MARCHF1: variants seen among roughly 807,000 people sequenced by gnomAD.
MARCHF1 encodes membrane associated ring-CH-type finger 1.
MARCHF1 carries 40 observed loss-of-function variants against 54.2 expected under a neutral mutation model. The observed-to-expected ratio is 0.74, with a 90% CI of 0.57 to 0.96. The LOEUF (loss-of-function observed/expected upper bound fraction) is 0.96, where lower values mean the gene tolerates loss of function less well. Among genes scored for constraint, MARCHF1 ranks in the 40% least tolerant of loss-of-function variants. The pLI is 0.00. For missense variants in MARCHF1, 586 were observed against 656.5 expected, an observed-to-expected ratio of 0.89 and a Z score of 1.17; for synonymous variants, 236 against 236.3, an observed-to-expected ratio of 1.00 and a Z score of 0.01.
chr4:164,076,854 T>C (rs771611254), intron 2 of MARCHF1, among the ~76,000 whole-genome samples: 11 of 152,112 alleles, frequency 7.2e-5, no homozygotes, highest in African/African-American at 2.7e-4. Context: ...CAAGGAGAGC[T>C]ACAAATCACT....
intron 8 of MARCHF1, among the ~76,000 whole-genome samples, chr4:163,557,273 A>T (rs1223138696): frequency 6.6e-6 from 1 of 152,186 alleles, no homozygotes; most frequent in Non-Finnish European, 1.5e-5. Context: ...GAAAGTGTAA[A>T]ATGCTCATTT....
At chr4:163,698,836 A>G (rs1744714239) in intron 5 of MARCHF1, among the ~76,000 whole-genome samples, 1 of 152,216 alleles carries the variant, frequency 6.6e-6, no homozygotes, top group Non-Finnish European at 1.5e-5. Flanking sequence ...TTACTTATTC[A>G]ACATTAGTAT....
At chr4:164,140,314 ACAAAAAAATC>A (rs1756500433) in intron 1 of MARCHF1, among the ~76,000 whole-genome samples, 1 of 151,866 alleles carries the variant, frequency 6.6e-6, no homozygotes, top group Non-Finnish European at 1.5e-5. Flanking sequence ...TTTTGAATAA[ACAAAAAAATC>A]AACCCTCAAA....
chr4:164,176,960 CTCTCTCTCTCTCTCTCTCT>C lies in MARCHF1; in HGVS notation c.-322-65317_-322-65299del, dbSNP rs1295817668. On this transcript the variant is annotated intron_variant, in intron 1 of 9. Transcript: ENST00000514618. ...TTGTGCGCTCTCTCTCTCTCTCTCT[CTCTCTCTCTCTCTCTCTCT>C]CTATATATATATATATATATATATA... Among the ~76,000 whole-genome samples, 42 of 47,844 alleles carry C rather than the reference CTCTCTCTCTCTCTCTCTCT, an allele frequency of 8.8e-4. 6 individuals carry two copies. Among genetic ancestry groups the C allele is most frequent in the Non-Finnish European group, 1.4e-3 (37 of 26,212 alleles). The allele number at this position is 47,844 out of a possible 152,430, so 31.4% of individuals were successfully genotyped here.
In MARCHF1 at chr4:163,933,198, A is replaced by G. The variant is rs879003314; in HGVS notation, c.-39+55303T>C. 5 of 736,724 alleles carry G rather than the reference A, an allele frequency of 6.8e-6. No homozygotes were observed. In the Admixed American group the frequency reaches 7.4e-5, roughly 11 times the overall value. The allele number at this position is 736,724 out of a possible 1,614,324, so 45.6% of individuals were successfully genotyped here. A position where few individuals can be genotyped will look rare whatever the true frequency, so the allele number is the denominator to read the frequency against. ...AGTTTCTTAGAGACAACCTAACACTATGGACCTCAGACAGTGCAGGAGAAG... is the reference window on the plus strand; with the variant it reads ...AGTTTCTTAGAGACAACCTAACACTGTGGACCTCAGACAGTGCAGGAGAAG... On this transcript the variant is annotated intron_variant, in intron 3 of 9. Transcript: ENST00000514618.
At chr4:164,269,696 C>T (rs1733695626) in intron 1 of MARCHF1, among the ~76,000 whole-genome samples, 1 of 151,968 alleles carries the variant, frequency 6.6e-6, no homozygotes, top group Non-Finnish European at 1.5e-5. Flanking sequence ...ACGTTCTTTG[C>T]ATGTTTGCTA....
chr4:163,573,173 G>C (rs78502022), intron 8 of MARCHF1, among the ~76,000 whole-genome samples: 6,457 of 152,024 alleles, frequency 0.042, 247 homozygotes, highest in South Asian at 0.11. Context: ...ACACTTTACT[G>C]AAGTTGTTTA....
chr4:163,643,839 A>G (rs1308459871), intron 5 of MARCHF1, among the ~76,000 whole-genome samples: 1 of 152,164 alleles, frequency 6.6e-6, no homozygotes, highest in Non-Finnish European at 1.5e-5. Context: ...TGTTACAACA[A>G]AAAGAAAATC....
intron 4 of MARCHF1, among the ~76,000 whole-genome samples, chr4:163,763,261 T>A (rs1746879641): frequency 6.6e-6 from 1 of 152,098 alleles, no homozygotes; most frequent in South Asian, 2.1e-4. Flanking sequence ...CTGTCCTTAC[T>A]TCTATACCTA....
chr4:163,909,187 A>C (rs769750564), intron 3 of MARCHF1, among the ~76,000 whole-genome samples: 4 of 152,132 alleles, frequency 2.6e-5, no homozygotes, highest in Admixed American at 6.6e-5. Context: ...TTTAATTTAA[A>C]TTTTTGAATA....
intron 3 of MARCHF1, among the ~76,000 whole-genome samples, chr4:163,891,244 C>T (rs991953821): frequency 2.6e-5 from 4 of 151,898 alleles, no homozygotes; most frequent in African/African-American, 7.3e-5. Context: ...TAATTATCTT[C>T]CTGATTTCTT....
intron 1 of MARCHF1, among the ~76,000 whole-genome samples, chr4:164,231,125 CAATTCTGTCCA>C (rs1428902423): frequency 1.3e-5 from 2 of 152,070 alleles, no homozygotes; most frequent in Admixed American, 6.6e-5. Context: ...TCAGTTCATC[CAATTCTGTCCA>C]AATTCTGTCT....
At chr4:164,313,098 G>C (rs1734906652) in intron 1 of MARCHF1, among the ~76,000 whole-genome samples, 2 of 151,674 alleles carry the variant, frequency 1.3e-5, no homozygotes. Context: ...CAGCACTTTG[G>C]GAAGCCAAGG....
chr4:164,250,797 A>G (rs1239929949), intron 1 of MARCHF1, among the ~76,000 whole-genome samples: 1 of 152,140 alleles, frequency 6.6e-6, no homozygotes, highest in South Asian at 2.1e-4. Flanking sequence ...GAAAAGGAGA[A>G]AAATATAATG....
At chr4:164,249,328 T>C (rs1415219382) in intron 1 of MARCHF1, among the ~76,000 whole-genome samples, 3 of 152,096 alleles carry the variant, frequency 2.0e-5, no homozygotes, top group South Asian at 2.1e-4. Context: ...CTTCAAAATA[T>C]AGGTTTGATT....
At chr4:164,073,537 C>A (rs1019247344) in intron 2 of MARCHF1, among the ~76,000 whole-genome samples, 3 of 151,990 alleles carry the variant, frequency 2.0e-5, no homozygotes, top group African/African-American at 7.3e-5. Flanking sequence ...AAGAGAAATA[C>A]CTCATGTAGA....
chr4:164,148,180 C>G (rs994690817), intron 1 of MARCHF1, among the ~76,000 whole-genome samples: 1 of 150,902 alleles, frequency 6.6e-6, no homozygotes, highest in African/African-American at 2.4e-5. Flanking sequence ...CTCACGAATT[C>G]AACCAAGAAA....
At chr4:163,643,250 C>T (rs1752363205) in intron 5 of MARCHF1, among the ~76,000 whole-genome samples, 5 of 151,582 alleles carry the variant, frequency 3.3e-5, no homozygotes, top group Admixed American at 3.3e-4. Flanking sequence ...ATTGCTTGAG[C>T]CTGGGAGGCG....
chr4:164,170,181 A>T (rs1403266470), intron 1 of MARCHF1, among the ~76,000 whole-genome samples: 3 of 152,138 alleles, frequency 2.0e-5, no homozygotes, highest in Non-Finnish European at 2.9e-5. Flanking sequence ...ATTTTCCATA[A>T]ATTTGATGAA....
Sources: allele counts gnomAD v4.1 joint callset (sites outside exome capture counted in the v4.1 genomes callset), GRCh38; gene constraint gnomAD v4.1.1; transcripts MANE v1.5; gene names NCBI Gene and HGNC (gene_info 2026-07-23, HGNC 2026-07-21).